Variants in NRG1 observed in about 807,000 individuals in gnomAD.
The protein encoded by NRG1 is pro-neuregulin-1, membrane-bound isoform.
A neutral mutation model predicts 63.8 loss-of-function variants in NRG1; 18 were observed. The ratio of observed to expected loss-of-function variants is 0.28; its 90% CI spans 0.19 to 0.42. The LOEUF is 0.42. Among genes scored for constraint, NRG1 ranks in the 10% least tolerant of loss-of-function variants. The pLI is 1.00. For missense variants in NRG1, 762 were observed against 814.7 expected, an observed-to-expected ratio of 0.94 and a Z score of 0.79; for synonymous variants, 302 against 301.3, an observed-to-expected ratio of 1.00 and a Z score of -0.02.
chr8:31,728,763 T>C (rs1813713436), intron 1 of NRG1, among the ~76,000 whole-genome samples: 1 of 152,218 alleles, frequency 6.6e-6, no homozygotes, highest in Non-Finnish European at 1.5e-5. Context: ...TAAATGCAAC[T>C]GTACTATTCT....
At chr8:31,972,116 C>T (rs898254878) in intron 1 of NRG1, among the ~76,000 whole-genome samples, 1 of 152,110 alleles carries the variant, frequency 6.6e-6, no homozygotes, top group Non-Finnish European at 1.5e-5. Flanking sequence ...CAAATATTTG[C>T]CACACTATGC....
At chr8:32,437,463 A>G (rs1374565338) in intron 1 of NRG1, among the ~76,000 whole-genome samples, 2 of 152,142 alleles carry the variant, frequency 1.3e-5, no homozygotes, top group African/African-American at 4.8e-5. Context: ...CTTGCCTCCA[A>G]TGCGCAGCAT....
intron 5 of NRG1, among the ~76,000 whole-genome samples, chr8:32,727,196 G>A (rs1335903634): frequency 6.6e-6 from 1 of 152,154 alleles, no homozygotes; most frequent in Non-Finnish European, 1.5e-5. Flanking sequence ...TTCATTATAT[G>A]AAGGTGTTGC....
At chr8:32,654,282 TA>T (rs1318293951) in intron 5 of NRG1, among the ~76,000 whole-genome samples, 1 of 152,196 alleles carries the variant, frequency 6.6e-6, no homozygotes, top group Non-Finnish European at 1.5e-5. Context: ...ATTTATTATT[TA>T]AATACTAATT....
At chr8:32,670,675 G>A (rs1326778135) in intron 5 of NRG1, among the ~76,000 whole-genome samples, 1 of 152,138 alleles carries the variant, frequency 6.6e-6, no homozygotes, top group Non-Finnish European at 1.5e-5. Flanking sequence ...AAATATTTAA[G>A]TACTTTGACA....
At chr8:32,248,058 T>C (rs933407737) in intron 1 of NRG1, among the ~76,000 whole-genome samples, 1 of 152,118 alleles carries the variant, frequency 6.6e-6, no homozygotes, top group Non-Finnish European at 1.5e-5. Flanking sequence ...ACTTTCTACG[T>C]CTATTCAGCT....
In NRG1 at chr8:31,640,476, G is replaced by T; in HGVS notation, c.37+1045G>T. 1 of 1,602,914 alleles carries T rather than the reference G, an allele frequency of 6.2e-7. No individual in the cohort carries two copies. The highest frequency in any genetic ancestry group is 8.5e-7 in the Non-Finnish European group (1 of 1,175,834). On this transcript the variant is annotated intron_variant, in intron 1 of 10. Coordinates refer to the NRG1 transcript ENST00000519301. This position sits in a 1 kb window ranked among gnomAD's most constrained non-coding sequence, Gnocchi z 6.3. ...AGGAGGCGCCCTATCTGGTGAAGGT[G>T]CACCAGGTGTGGGCGGTGAAAGCCG...
intron 1 of NRG1, among the ~76,000 whole-genome samples, chr8:32,274,799 C>T (rs1446333259): frequency 6.6e-6 from 1 of 152,062 alleles, no homozygotes; most frequent in East Asian, 1.9e-4. Context: ...TCCAGGCAAA[C>T]CCTCCAACAA....
At chr8:32,143,515 G>A (rs573140809) in intron 1 of NRG1, among the ~76,000 whole-genome samples, 1 of 152,296 alleles carries the variant, frequency 6.6e-6, no homozygotes. Flanking sequence ...AGCTGAACAT[G>A]TATCCAGCTC....
At chr8:32,383,702 C>T (rs1810637048) in intron 1 of NRG1, among the ~76,000 whole-genome samples, 1 of 152,206 alleles carries the variant, frequency 6.6e-6, no homozygotes, top group Non-Finnish European at 1.5e-5. Context: ...ACGTTTCACT[C>T]AGACACCATC....
At chr8:32,023,657 C>T (rs1399792877) in intron 1 of NRG1, among the ~76,000 whole-genome samples, 3 of 152,086 alleles carry the variant, frequency 2.0e-5, no homozygotes, top group Admixed American at 6.5e-5. Flanking sequence ...GGTGCCTTGT[C>T]CCAGACAGAC....
chr8:32,343,823 G>A (rs780345188), intron 1 of NRG1, among the ~76,000 whole-genome samples: 10 of 152,144 alleles, frequency 6.6e-5, no homozygotes, highest in African/African-American at 1.9e-4. Flanking sequence ...GTCTTTTTAC[G>A]CTACATTGGA....
At chr8:32,548,342 G>A (rs1014137091) in exon 1 of NRG1, 21 of 1,007,766 alleles carry the variant, frequency 2.1e-5, no homozygotes, top group Non-Finnish European at 2.4e-5. Flanking sequence ...TCGCGCGGAG[G>A]CCAGGAGCTG....
chr8:32,353,530 C>T (rs1685108), intron 1 of NRG1, among the ~76,000 whole-genome samples: 22,675 of 151,760 alleles, frequency 0.15, 2,479 homozygotes, highest in East Asian at 0.57. Context: ...CACACTTTGT[C>T]GAAGATATAT....
chr8:32,067,295 T>G (rs1825001248), intron 1 of NRG1, among the ~76,000 whole-genome samples: 1 of 152,202 alleles, frequency 6.6e-6, no homozygotes, highest in African/African-American at 2.4e-5. Flanking sequence ...TTCCAGTTTT[T>G]GCCCATTCAG....
chr8:32,610,192 T>C (rs1846123816), intron 3 of NRG1, among the ~76,000 whole-genome samples: 1 of 152,198 alleles, frequency 6.6e-6, no homozygotes. Flanking sequence ...GTTTCCTTGA[T>C]GAATGATCCT....
intron 1 of NRG1, among the ~76,000 whole-genome samples, chr8:32,577,236 G>C (rs1211164396): frequency 1.3e-5 from 2 of 152,108 alleles, no homozygotes; most frequent in Non-Finnish European, 2.9e-5. Context: ...TGGGCACCTA[G>C]GTTGATTCCA....
At chr8:32,647,671 G>C (rs1327817702) in intron 5 of NRG1, 6 of 1,505,870 alleles carry the variant, frequency 4.0e-6, no homozygotes, top group Non-Finnish European at 4.4e-6. Context: ...GCCTCTGCGT[G>C]GTAATGGACC....
At chr8:31,824,172 C>A (rs1428818617) in intron 1 of NRG1, among the ~76,000 whole-genome samples, 1 of 122,270 alleles carries the variant, frequency 8.2e-6, no homozygotes, top group African/African-American at 3.0e-5. Context: ...CCCCCCTCCC[C>A]CCTCCCCCCA....
Sources: gnomAD v4.1 joint callset for allele counts (sites outside exome capture counted in the v4.1 genomes callset) on GRCh38, gnomAD v4.1.1 for gene constraint, Gnocchi (gnomAD v3.1) non-coding constraint, MANE v1.5 for transcripts, NCBI Gene and HGNC (gene_info 2026-07-23, HGNC 2026-07-21) for gene names.